The following ANLN variants were observed in gnomAD, a reference collection of about 807,000 sequenced individuals.
ANLN encodes anillin, actin binding protein.
In ANLN, 59 loss-of-function variants were observed where a neutral mutation model predicts 135.1. That is an observed-to-expected ratio of 0.44 (90% CI 0.35 to 0.54). The LOEUF (loss-of-function observed/expected upper bound fraction) is 0.54. Ranked by LOEUF, ANLN falls within the 20% of genes least tolerant of loss-of-function variation. The pLI, the probability that ANLN is intolerant of heterozygous loss-of-function variation, is 0.00. For synonymous variants in ANLN, 406 were observed against 456.4 expected (o/e 0.89, Z 1.41); for missense variants, 1,182 against 1,340.0 (o/e 0.88, Z 1.84).
In ANLN at chr7:36,443,826, A is replaced by G. The variant is rs769729002; in HGVS notation, c.3042A>G (p.Ile1014Met). The change falls in exon 22 of 24, where the codon ATA becomes ATG. Residue 1014 changes from isoleucine (I) to methionine (M), a missense_variant. Ile to Met is a conservative substitution (Grantham distance 10, BLOSUM62 1). Coordinates refer to ENST00000265748, the MANE Select transcript of ANLN (RefSeq NM_018685.5). ...RRWCVLSGNC[I>M]SYWTYPDDEK... is the part of the protein sequence containing the mutation. ...GGTGTGTTCTTTCTGGAAACTGTAT[A>G]TCTTATTGGACTTATCCAGATGATG... 1.2e-6 allele frequency: 2 copies of G among 1,611,852 alleles called. No individual in the cohort carries two copies. The highest frequency in any genetic ancestry group is 2.2e-5 in the East Asian group (1 of 44,872).
chr7:36,392,114 A>C (rs1786500385), intron 1 of ANLN, among the ~76,000 whole-genome samples: 1 of 152,246 alleles, frequency 6.6e-6, no homozygotes, highest in African/African-American at 2.4e-5. Context: ...AACTTTCTTT[A>C]TAAAAACCTT....
intron 7 of ANLN, among the ~76,000 whole-genome samples, chr7:36,411,635 G>A (rs1427021160): frequency 6.6e-6 from 1 of 152,180 alleles, no homozygotes; most frequent in Non-Finnish European, 1.5e-5. Context: ...TACAATGTAA[G>A]CTGTGTTCTG....
intron 21 of ANLN, 31 bp from the exon 22 acceptor site, chr7:36,443,724 C>CTAAAGCCAGCATTTCAACTGACTT: frequency 6.7e-7 from 1 of 1,485,950 alleles, no homozygotes; most frequent in Non-Finnish European, 9.3e-7. Flanking sequence ...CCTCAACTTT[C>CTAAAGCCAGCATTTCAACTGACTT]TAAAGCCAGC....
intron 8 of ANLN, 75 bp downstream of exon 8, chr7:36,415,959 T>C: frequency 7.7e-7 from 1 of 1,301,358 alleles, no homozygotes; most frequent in Non-Finnish European, 1.0e-6. Context: ...TTGTATTCTG[T>C]AACTTTGCTG....
chr7:36,411,204 C>G, intron 7 of ANLN, 38 bp downstream of exon 7: 1 of 1,518,076 alleles, frequency 6.6e-7, no homozygotes, highest in South Asian at 1.2e-5. Context: ...AACTTGGTCC[C>G]CAAATAGTTG....
At chr7:36,434,211 T>C (rs976149106) in intron 20 of ANLN, among the ~76,000 whole-genome samples, 5 of 152,226 alleles carry the variant, frequency 3.3e-5, no homozygotes, top group African/African-American at 1.2e-4. Flanking sequence ...GAAATTAGGC[T>C]ATGGATAGAT....
At chr7:36,394,087 C>G (rs1018302701) in intron 1 of ANLN, among the ~76,000 whole-genome samples, 1 of 152,158 alleles carries the variant, frequency 6.6e-6, no homozygotes, top group Non-Finnish European at 1.5e-5. Flanking sequence ...ACCCCACCCC[C>G]CAGGTAGCTG....
In ANLN at chr7:36,440,020, C is replaced by T. The variant is rs146232235; in HGVS notation, c.2970+730C>T. ...GAAAGCAGATTGGAGAATGACAACC[C>T]GAAGAAGACTAGTCAGTTCCCACCA... On this transcript the variant is annotated intron_variant, in intron 21 of 23. Coordinates refer to ENST00000265748, the MANE Select transcript of ANLN (RefSeq NM_018685.5). Among the ~76,000 whole-genome samples the T allele has an allele frequency of 1.1e-3, 173 of 152,234 alleles. 1 individual carries two copies. Among genetic ancestry groups the T allele is most frequent in the African/African-American group, 3.6e-3 (149 of 41,536 alleles).
At chr7:36,443,621 A>G in intron 21 of ANLN, 134 bp from the exon 22 acceptor site, 3 of 586,112 alleles carry the variant, frequency 5.1e-6, no homozygotes, top group Non-Finnish European at 9.1e-6. Flanking sequence ...AAAAGACATG[A>G]TAAAAAAACA....
chr7:36,416,276 C>A (rs1014869207), intron 8 of ANLN, among the ~76,000 whole-genome samples: 2 of 152,174 alleles, frequency 1.3e-5, no homozygotes, highest in African/African-American at 4.8e-5. Context: ...GCCTTGGCCT[C>A]CCAAAGTACT....
intron 20 of ANLN, among the ~76,000 whole-genome samples, chr7:36,438,345 G>T (rs1281134731): frequency 6.6e-6 from 1 of 152,094 alleles, no homozygotes; most frequent in Non-Finnish European, 1.5e-5. Flanking sequence ...CCATATGTCT[G>T]TTCTTATGCC....
Position 36,422,638 on chromosome 7 carries a change from A to G in ANLN, c.2305A>G (p.Lys769Glu). 6.2e-7 allele frequency: 1 copy of G among 1,600,630 alleles called. No individual in the cohort carries two copies. The highest frequency in any genetic ancestry group is 8.5e-7 in the Non-Finnish European group (1 of 1,176,112). Reference sequence around the variant, plus strand: ...TATTGCGTTGTTTTACATAGCTGGGAAGAGAACACTTTTGATTGATGAATT... The same window carrying G: ...TATTGCGTTGTTTTACATAGCTGGGGAGAGAACACTTTTGATTGATGAATT... ...AERLLLIATG[K>E]RTLLIDELNK... The change falls in exon 14 of 24, where the codon AAG becomes GAG. Residue 769 changes from lysine (K) to glutamate (E), a missense_variant. Transcript: ENST00000265748.
Position 36,399,237 on chromosome 7 carries a change from G to T in ANLN, c.331G>T (p.Asp111Tyr). The T allele has an allele frequency of 6.2e-7, 1 of 1,614,190 alleles. No individual in the cohort carries two copies. Among genetic ancestry groups the T allele is most frequent in the Non-Finnish European group, 8.5e-7 (1 of 1,180,042 alleles). The stretch of plus-strand genomic sequence containing the variant: ...TCCTCAGGTGCAGCCACAAGCAGCA[G>T]ATACCATCAGTGATTCTGTTGCTGT... ...VSPQVQPQAA[D>Y]TISDSVAVPA... is the part of the protein sequence containing the mutation. The change falls in exon 3 of 24, where the codon GAT (aspartate) becomes TAT (tyrosine). Residue 111 changes from aspartate to tyrosine, a missense_variant. This residue lies in a region of ANLN where 1,022 missense variants were observed against 1,134.0 expected (regional missense o/e 0.90). Transcript: ENST00000265748.
chr7:36,430,766 C>T (rs1788279787), intron 20 of ANLN, among the ~76,000 whole-genome samples: 1 of 152,126 alleles, frequency 6.6e-6, no homozygotes, highest in Non-Finnish European at 1.5e-5. Context: ...CTTTCACCCT[C>T]AAAAATATCC....
intron 5 of ANLN, among the ~76,000 whole-genome samples, chr7:36,409,580 A>G (rs1009623805): frequency 6.6e-6 from 1 of 152,102 alleles, no homozygotes; most frequent in Non-Finnish European, 1.5e-5. Flanking sequence ...GAATCCTCTT[A>G]ATGGGAGTGA....
intron 2 of ANLN, among the ~76,000 whole-genome samples, chr7:36,397,979 ATTTAC>A (rs2087362089): frequency 6.6e-6 from 1 of 152,108 alleles, no homozygotes; most frequent in African/African-American, 2.4e-5. Flanking sequence ...CATGATGTAT[ATTTAC>A]TTAGGTTGAT....
chr7:36,416,809 C>T lies in ANLN; in HGVS notation c.1523-271C>T, dbSNP rs532651364. On this transcript the variant is annotated intron_variant, in intron 8 of 23. Transcript: ENST00000265748. ...TATGCCTAGTGTTCCATTATTGGAA[C>T]GCTAAGCTTATGGGAGTTACTTATG... Among the ~76,000 whole-genome samples, 11 of 151,622 alleles carry T rather than the reference C, an allele frequency of 7.3e-5. No homozygotes were observed. In the South Asian group the frequency reaches 1.0e-3, roughly 14 times the overall value.
chr7:36,396,491 C>T (rs1287688018), intron 2 of ANLN, 72 bp downstream of exon 2: 17 of 1,438,586 alleles, frequency 1.2e-5, no homozygotes, highest in Non-Finnish European at 1.5e-5. Flanking sequence ...CCAAACATTT[C>T]ATTAGCATAT....
At chr7:36,450,776 A>G (rs1304400763) in intron 23 of ANLN, among the ~76,000 whole-genome samples, 1 of 152,210 alleles carries the variant, frequency 6.6e-6, no homozygotes, top group Admixed American at 6.5e-5. Flanking sequence ...CGACGTGTCC[A>G]TGGTCACGGT....
Sources: gnomAD v4.1 joint callset for allele counts (sites outside exome capture counted in the v4.1 genomes callset) on GRCh38, gnomAD v4.1.1 for gene constraint, gnomAD v4.1.1 regional missense constraint, MANE v1.5 for transcripts, NCBI Gene and HGNC (gene_info 2026-07-23, HGNC 2026-07-21) for gene names.